PDE4D: variants seen among roughly 807,000 people sequenced by gnomAD.
The protein encoded by PDE4D is phosphodiesterase 4D, also known as 3',5'-cyclic-AMP phosphodiesterase 4D.
In PDE4D, 24 loss-of-function variants were observed where a neutral mutation model predicts 87.4. That is an observed-to-expected ratio of 0.27 (90% CI 0.20 to 0.39). The LOEUF is 0.39. PDE4D is among the 10% of genes least tolerant of loss of function. The pLI is 1.00. For synonymous variants in PDE4D, 384 were observed against 383.2 expected, an observed-to-expected ratio of 1.00 and a Z score of -0.02; for missense variants, 714 against 1,041.0, an observed-to-expected ratio of 0.69 and a Z score of 4.32.
chr5:60,115,836 G>A (rs1178585008), intron 2 of PDE4D, among the ~76,000 whole-genome samples: 2 of 152,012 alleles, frequency 1.3e-5, no homozygotes. Context: ...TTCTTCTTAG[G>A]TGAAATAAGT....
intron 1 of PDE4D, among the ~76,000 whole-genome samples, chr5:59,886,156 A>G (rs1288475528): frequency 1.3e-5 from 2 of 152,224 alleles, no homozygotes; most frequent in East Asian, 3.8e-4. Context: ...GCAAGGTCCT[A>G]ACATACCTAA....
At chr5:60,036,933 T>C (rs1039994336) in intron 2 of PDE4D, among the ~76,000 whole-genome samples, 18 of 152,282 alleles carry the variant, frequency 1.2e-4, no homozygotes, top group Admixed American at 3.9e-4. Context: ...AAAATACATA[T>C]AAAATCTGAA....
intron 1 of PDE4D, among the ~76,000 whole-genome samples, chr5:59,670,806 T>C (rs1033027015): frequency 2.0e-5 from 3 of 152,148 alleles, no homozygotes; most frequent in Non-Finnish European, 4.4e-5. Context: ...TCAACATAGC[T>C]ACTTTAATTA....
intron 1 of PDE4D, among the ~76,000 whole-genome samples, chr5:60,297,224 G>A (rs770885097): frequency 4.6e-5 from 7 of 152,132 alleles, no homozygotes; most frequent in Non-Finnish European, 1.0e-4. Context: ...TTCTCATCAA[G>A]TATTTTCAAA....
rs140255705 is a variant in PDE4D, at chr5:60,313,745, G to A, written c.-89-128058C>T. On this transcript the variant is annotated intron_variant, in intron 1 of 16. Transcript: ENST00000502484. ...GGACATCAAAAAGCTAATTCAGCAT[G>A]ATTAAGTAGACTTTATCCCTGGGAT... 3.2e-3 allele frequency among the ~76,000 whole-genome samples: 482 copies of A among 152,250 alleles called. 4 individuals carry two copies. Among genetic ancestry groups the A allele is most frequent in the African/African-American group, 0.011 (457 of 41,552 alleles).
intron 1 of PDE4D, among the ~76,000 whole-genome samples, chr5:60,267,907 A>G (rs1750386298): frequency 6.6e-6 from 1 of 152,086 alleles, no homozygotes; most frequent in Non-Finnish European, 1.5e-5. Flanking sequence ...AAGAAAGGGC[A>G]CTCTTCCACG....
chr5:59,858,013 C>A (rs944462639), intron 1 of PDE4D, among the ~76,000 whole-genome samples: 1 of 149,828 alleles, frequency 6.7e-6, no homozygotes, highest in South Asian at 2.1e-4. Context: ...AAGGAAGTAG[C>A]GAGGGAGGGA....
At chr5:59,993,539 CAAT>C (rs1481957575) in intron 2 of PDE4D, among the ~76,000 whole-genome samples, 1 of 151,936 alleles carries the variant, frequency 6.6e-6, no homozygotes, top group East Asian at 1.9e-4. Context: ...TTTTATAAAA[CAAT>C]AATATCAAAA....
At chr5:59,082,278 C>T (rs1461374203) in intron 5 of PDE4D, among the ~76,000 whole-genome samples, 1 of 152,074 alleles carries the variant, frequency 6.6e-6, no homozygotes, top group African/African-American at 2.4e-5. Context: ...CTATAATTAA[C>T]AATGAAATCA....
intron 1 of PDE4D, among the ~76,000 whole-genome samples, chr5:59,442,036 A>G (rs1339067163): frequency 6.6e-6 from 1 of 152,252 alleles, no homozygotes; most frequent in Non-Finnish European, 1.5e-5. Flanking sequence ...AAAATAAAAA[A>G]TACACTATTT....
intron 1 of PDE4D, among the ~76,000 whole-genome samples, chr5:60,319,500 C>G (rs1755989602): frequency 6.6e-6 from 1 of 152,230 alleles, no homozygotes; most frequent in African/African-American, 2.4e-5. Flanking sequence ...AAGTCATTCT[C>G]CATCCAGCTT....
At chr5:60,087,532 GA>G (rs1195273992) in intron 2 of PDE4D, among the ~76,000 whole-genome samples, 2 of 151,890 alleles carry the variant, frequency 1.3e-5, no homozygotes, top group Admixed American at 1.3e-4. Flanking sequence ...AACAAAATAA[GA>G]AATTTCACAA....
chr5:59,890,759 C>A (rs1221181351), intron 1 of PDE4D, among the ~76,000 whole-genome samples: 1 of 152,196 alleles, frequency 6.6e-6, no homozygotes, highest in Non-Finnish European at 1.5e-5. Flanking sequence ...TTGCTCGCAT[C>A]TTCTGGGGCT....
chr5:59,252,515 C>G (rs1287762470), intron 1 of PDE4D, among the ~76,000 whole-genome samples: 1 of 151,500 alleles, frequency 6.6e-6, no homozygotes, highest in Admixed American at 6.6e-5. Flanking sequence ...TATGGTTAAC[C>G]ATATCATCTG....
intron 1 of PDE4D, among the ~76,000 whole-genome samples, chr5:59,588,103 C>T (rs867775610): frequency 6.6e-6 from 1 of 152,034 alleles, no homozygotes; most frequent in Non-Finnish European, 1.5e-5. Context: ...CTATGGAAGC[C>T]GGTTCTGCAG....
At chr5:60,341,048 G>A (rs1336741654) in intron 1 of PDE4D, among the ~76,000 whole-genome samples, 1 of 152,096 alleles carries the variant, frequency 6.6e-6, no homozygotes, top group Non-Finnish European at 1.5e-5. Context: ...AATGGAAGTC[G>A]AGTCAGACTT....
At chr5:59,326,207 T>C (rs1775625670) in intron 1 of PDE4D, among the ~76,000 whole-genome samples, 1 of 152,084 alleles carries the variant, frequency 6.6e-6, no homozygotes. Context: ...ATATGGCACA[T>C]GTATACATAT....
intron 1 of PDE4D, among the ~76,000 whole-genome samples, chr5:60,221,309 G>A (rs889558809): frequency 6.6e-6 from 1 of 151,870 alleles, no homozygotes; most frequent in African/African-American, 2.4e-5. Context: ...CAGAAGTGGA[G>A]ATTATAAATA....
chr5:59,395,349 C>T (rs1220322691), intron 1 of PDE4D, among the ~76,000 whole-genome samples: 1 of 152,210 alleles, frequency 6.6e-6, no homozygotes. Context: ...TGACAGCTTT[C>T]AAGAGAGCAG....
Sources: allele counts gnomAD v4.1 joint callset (sites outside exome capture counted in the v4.1 genomes callset), GRCh38; gene constraint gnomAD v4.1.1; transcripts MANE v1.5; gene names NCBI Gene and HGNC (gene_info 2026-07-23, HGNC 2026-07-21).